The following ROBO1 variants were observed in gnomAD, a reference collection of about 807,000 sequenced individuals.
The protein encoded by ROBO1 is roundabout homolog 1.
ROBO1 carries 149 observed loss-of-function variants against 195.9 expected under a neutral mutation model. The ratio of observed to expected loss-of-function variants is 0.76; its 90% confidence interval spans 0.67 to 0.87. The LOEUF is 0.87. ROBO1 is among the 40% of genes least tolerant of loss of function. The pLI is 0.00. For missense variants in ROBO1, 1,933 were observed against 2,068.3 expected (o/e 0.93, Z 1.27); for synonymous variants, 816 against 733.2 (o/e 1.11, Z -1.82).
At chr3:79,143,517 T>C (rs908361997) in intron 2 of ROBO1, among the ~76,000 whole-genome samples, 1 of 149,074 alleles carries the variant, frequency 6.7e-6, no homozygotes, top group Non-Finnish European at 1.5e-5. Flanking sequence ...AAAGATATTG[T>C]TGTCAAACTT....
At chr3:79,418,566 C>A (rs1454361456) in intron 2 of ROBO1, among the ~76,000 whole-genome samples, 1 of 151,970 alleles carries the variant, frequency 6.6e-6, no homozygotes, top group Non-Finnish European at 1.5e-5. Flanking sequence ...AATTAACAAG[C>A]AAAAATAAAG....
chr3:79,013,598 T>A (rs747949510), intron 3 of ROBO1, among the ~76,000 whole-genome samples: 20 of 152,212 alleles, frequency 1.3e-4, no homozygotes, highest in Admixed American at 1.3e-3. Context: ...TTATTTAAAT[T>A]CTTCATTTCT....
chr3:78,920,379 A>G (rs1183791662), intron 4 of ROBO1, among the ~76,000 whole-genome samples: 2 of 151,918 alleles, frequency 1.3e-5, no homozygotes, highest in African/African-American at 4.8e-5. Flanking sequence ...ATCTCAGCTC[A>G]CTGCAACCTC....
At chr3:79,699,765 G>A (rs1199370305) in intron 1 of ROBO1, among the ~76,000 whole-genome samples, 2 of 151,524 alleles carry the variant, frequency 1.3e-5, no homozygotes, top group East Asian at 1.9e-4. Flanking sequence ...GAGTGAAAAC[G>A]ATATGTGGCA....
At chr3:78,622,345 T>C (rs1263149830) in intron 26 of ROBO1, among the ~76,000 whole-genome samples, 2 of 152,174 alleles carry the variant, frequency 1.3e-5, no homozygotes, top group African/African-American at 4.8e-5. Flanking sequence ...GCACCCCTTA[T>C]CAATAAATAT....
intron 5 of ROBO1, among the ~76,000 whole-genome samples, chr3:78,731,692 T>C (rs925912156): frequency 5.3e-5 from 8 of 152,174 alleles, no homozygotes; most frequent in African/African-American, 1.4e-4. Context: ...TACTGCATTA[T>C]AGCAGACAAA....
At chr3:78,903,701 T>C (rs1190390252) in intron 4 of ROBO1, among the ~76,000 whole-genome samples, 1 of 152,136 alleles carries the variant, frequency 6.6e-6, no homozygotes, top group East Asian at 1.9e-4. Context: ...TTTCTCAATA[T>C]TAAACTAATG....
At chr3:79,708,348 A>G (rs1249907931) in intron 1 of ROBO1, among the ~76,000 whole-genome samples, 1 of 152,204 alleles carries the variant, frequency 6.6e-6, no homozygotes, top group Non-Finnish European at 1.5e-5. Context: ...TTTCCAATTC[A>G]GCATAAAATG....
intron 2 of ROBO1, among the ~76,000 whole-genome samples, chr3:79,439,313 C>T (rs767817969): frequency 9.9e-5 from 15 of 152,042 alleles, no homozygotes; most frequent in Non-Finnish European, 1.5e-4. Context: ...AATCTTTTCC[C>T]TCAATTTTAG....
At chr3:78,728,276 G>T (rs1055086840) in intron 5 of ROBO1, among the ~76,000 whole-genome samples, 5 of 152,104 alleles carry the variant, frequency 3.3e-5, no homozygotes, top group Admixed American at 6.6e-5. Flanking sequence ...CTCTTGATTA[G>T]ATATGATCTG....
intron 1 of ROBO1, among the ~76,000 whole-genome samples, chr3:79,760,236 CAAAAAA>C (rs11451206): frequency 1.3e-3 from 6 of 4,506 alleles, no homozygotes; most frequent in African/African-American, 4.0e-3. Context: ...GACCCTATCT[CAAAAAA>C]AAAAAAAAAA....
At chr3:79,264,819 A>C (rs1340780217) in intron 2 of ROBO1, among the ~76,000 whole-genome samples, 1 of 151,954 alleles carries the variant, frequency 6.6e-6, no homozygotes, top group Non-Finnish European at 1.5e-5. Context: ...TTGTCACCAC[A>C]CCAAAAATCA....
At chr3:79,066,561 A>G (rs1312448544) in intron 3 of ROBO1, among the ~76,000 whole-genome samples, 2 of 151,916 alleles carry the variant, frequency 1.3e-5, no homozygotes, top group African/African-American at 4.8e-5. Flanking sequence ...TGATAACAAA[A>G]CTGCCAGAGT....
chr3:78,649,802 G>C (rs1396979209), intron 19 of ROBO1, among the ~76,000 whole-genome samples: 2 of 152,126 alleles, frequency 1.3e-5, no homozygotes, highest in Non-Finnish European at 2.9e-5. Context: ...AATGGTATTA[G>C]TTTAATAGGT....
chr3:79,452,234 C>T (rs968704619), intron 2 of ROBO1, among the ~76,000 whole-genome samples: 2 of 151,870 alleles, frequency 1.3e-5, no homozygotes, highest in Admixed American at 6.6e-5. Flanking sequence ...TTATGTTTTC[C>T]CACTGCTCTT....
chr3:78,743,550 A>G (rs2082583059), intron 5 of ROBO1, among the ~76,000 whole-genome samples: 1 of 152,254 alleles, frequency 6.6e-6, no homozygotes, highest in East Asian at 1.9e-4. Flanking sequence ...CCTGTTTTAA[A>G]TAACACGTAA....
chr3:79,612,549 A>C (rs574118144), intron 1 of ROBO1, among the ~76,000 whole-genome samples: 2 of 151,488 alleles, frequency 1.3e-5, no homozygotes, highest in African/African-American at 4.8e-5. Context: ...ATACCCAGTA[A>C]TGGGATGGCT....
chr3:78,651,757 AG>A lies in ROBO1; in HGVS notation c.2786del (p.Thr929IlefsTer19). Reference sequence around the variant, plus strand: ...CTTTTCTGATACCCGCGTAGGTACTAGTAAGTCCGTTTCTCTTCTTGCGGTG... The same window carrying A: ...CTTTTCTGATACCCGCGTAGGTACTATAAGTCCGTTTCTCTTCTTGCGGTG... ...YRHRKKRNGLTSTYAGIRKVP... is the reference protein window; with the variant it reads ...YRHRKKRNGLXSTYAGIRKVP... On this transcript the variant is annotated frameshift_variant, in exon 19 of 31. Coordinates refer to ENST00000464233, the MANE Select transcript of ROBO1 (RefSeq NM_002941.4). LOFTEE classifies it high-confidence loss of function. The A allele has an allele frequency of 6.2e-7, 1 of 1,613,154 alleles. No individual in the cohort carries two copies. The highest frequency in any genetic ancestry group is 8.5e-7 in the Non-Finnish European group (1 of 1,179,480).
intron 1 of ROBO1, among the ~76,000 whole-genome samples, chr3:79,761,193 A>G (rs1704680376): frequency 6.7e-6 from 1 of 149,060 alleles, no homozygotes; most frequent in South Asian, 2.1e-4. Context: ...TATTTATAGA[A>G]CACTATATTG....
Sources: allele counts gnomAD v4.1 joint callset (sites outside exome capture counted in the v4.1 genomes callset), GRCh38; gene constraint gnomAD v4.1.1; transcripts MANE v1.5; gene names NCBI Gene and HGNC (gene_info 2026-07-23, HGNC 2026-07-21).